The following GPM6A variants were observed in gnomAD, a reference collection of about 807,000 sequenced individuals.
GPM6A encodes the protein neuronal membrane glycoprotein M6-a.
A neutral mutation model predicts 32.1 loss-of-function variants in GPM6A; 7 were observed. That is an observed-to-expected ratio of 0.22 (90% CI 0.12 to 0.41). The LOEUF (loss-of-function observed/expected upper bound fraction) is 0.41, where lower values mean the gene tolerates loss of function less well. GPM6A is among the 10% of genes least tolerant of loss of function. The pLI is 1.00. For missense variants in GPM6A, 235 were observed against 347.2 expected (o/e 0.68, Z 2.57); for synonymous variants, 130 against 123.4 (o/e 1.05, Z -0.35).
intron 2 of GPM6A, among the ~76,000 whole-genome samples, chr4:175,676,473 G>C (rs956566450): frequency 3.9e-5 from 6 of 152,186 alleles, no homozygotes; most frequent in African/African-American, 1.4e-4. Context: ...AATTGGGTGG[G>C]GGCAGTGGCT....
chr4:175,841,479 T>A (rs1735933559), intron 1 of GPM6A, among the ~76,000 whole-genome samples: 1 of 152,082 alleles, frequency 6.6e-6, no homozygotes, highest in African/African-American at 2.4e-5. Context: ...GTGTTTTTAT[T>A]TGAAGGATAA....
At chr4:175,992,052 A>T (rs1421403316) in intron 1 of GPM6A, among the ~76,000 whole-genome samples, 1 of 89,284 alleles carries the variant, frequency 1.1e-5, no homozygotes, top group Non-Finnish European at 2.4e-5. Flanking sequence ...CTACACACAA[A>T]CACACATGCA....
At chr4:175,837,822 A>C (rs2111378950) in intron 1 of GPM6A, among the ~76,000 whole-genome samples, 1 of 152,324 alleles carries the variant, frequency 6.6e-6, no homozygotes, top group Middle Eastern at 3.4e-3. Context: ...TGGCTAGATT[A>C]TAAGCTTGGA....
intron 1 of GPM6A, among the ~76,000 whole-genome samples, chr4:175,843,492 T>G (rs1281548916): frequency 6.6e-6 from 1 of 152,192 alleles, no homozygotes; most frequent in African/African-American, 2.4e-5. Context: ...TGAACTTATT[T>G]AAACCTACTG....
At chr4:175,906,625 A>T (rs1738139842) in intron 1 of GPM6A, 2 of 152,120 alleles carry the variant, frequency 1.3e-5, no homozygotes, top group South Asian at 4.1e-4. Context: ...CAGCAGCCAC[A>T]CTTAGACTCT....
At chr4:175,762,074 G>A (rs373052882) in intron 1 of GPM6A, among the ~76,000 whole-genome samples, 10 of 152,282 alleles carry the variant, frequency 6.6e-5, no homozygotes, top group South Asian at 2.1e-4. Context: ...GATTATAGGC[G>A]AGAGCCACTG....
chr4:175,952,144 A>G (rs1739835819), intron 1 of GPM6A, among the ~76,000 whole-genome samples: 1 of 152,268 alleles, frequency 6.6e-6, no homozygotes, highest in South Asian at 2.1e-4. Flanking sequence ...TATCTCAGAG[A>G]CAAGTAACTA....
intron 1 of GPM6A, among the ~76,000 whole-genome samples, chr4:175,778,951 T>C (rs1733507185): frequency 6.6e-6 from 1 of 151,708 alleles, no homozygotes; most frequent in African/African-American, 2.4e-5. Flanking sequence ...TAAGTATATA[T>C]ATCAATTATA....
chr4:175,757,556 C>A (rs767549147), intron 1 of GPM6A, among the ~76,000 whole-genome samples: 3 of 152,102 alleles, frequency 2.0e-5, no homozygotes, highest in Non-Finnish European at 2.9e-5. Context: ...ATACATAGTT[C>A]CACTAGTGCT....
intron 1 of GPM6A, among the ~76,000 whole-genome samples, chr4:175,877,620 GA>G (rs1231202968): frequency 6.6e-6 from 1 of 152,090 alleles, no homozygotes; most frequent in Non-Finnish European, 1.5e-5. Flanking sequence ...CAGCATGGGG[GA>G]AACCATCTCC....
At chr4:175,921,136 G>A (rs1277522570) in intron 1 of GPM6A, among the ~76,000 whole-genome samples, 1 of 151,974 alleles carries the variant, frequency 6.6e-6, no homozygotes, top group East Asian at 1.9e-4. Context: ...TCTTTATAAT[G>A]TCAACTTAAT....
chr4:175,777,772 A>T (rs577279831), intron 1 of GPM6A, among the ~76,000 whole-genome samples: 1 of 152,272 alleles, frequency 6.6e-6, no homozygotes, highest in Non-Finnish European at 1.5e-5. Flanking sequence ...AGAAATCAAC[A>T]ATGTGCCCAA....
chr4:175,920,853 A>AAAT (rs1554001499), intron 1 of GPM6A, among the ~76,000 whole-genome samples: 15 of 151,832 alleles, frequency 9.9e-5, no homozygotes, highest in African/African-American at 3.6e-4. Context: ...AAAAAAAAAA[A>AAAT]ATGCTTTGAA....
intron 1 of GPM6A, among the ~76,000 whole-genome samples, chr4:175,743,661 CA>C (rs1240887659): frequency 1.1e-4 from 16 of 151,242 alleles, no homozygotes; most frequent in Non-Finnish European, 4.4e-5. Context: ...TATAAGGACA[CA>C]AAAAGTTGAA....
intron 1 of GPM6A, among the ~76,000 whole-genome samples, chr4:175,801,162 T>C (rs1734456566): frequency 6.6e-6 from 1 of 152,138 alleles, no homozygotes; most frequent in African/African-American, 2.4e-5. Flanking sequence ...AATTAAGCAG[T>C]GAATTAATGA....
chr4:175,967,314 A>C (rs77447027), intron 1 of GPM6A, among the ~76,000 whole-genome samples: 2,098 of 152,288 alleles, frequency 0.014, 32 homozygotes, highest in Non-Finnish European at 0.022. Context: ...TAGCTAAGAA[A>C]AATCTACACT....
At chr4:175,885,038 T>C (rs1189382128) in intron 1 of GPM6A, among the ~76,000 whole-genome samples, 1 of 152,168 alleles carries the variant, frequency 6.6e-6, no homozygotes, top group Non-Finnish European at 1.5e-5. Context: ...TTCCGCTCTA[T>C]AGGAAGATAT....
At chr4:175,824,079 AC>A (rs1277223465) in intron 1 of GPM6A, among the ~76,000 whole-genome samples, 2 of 152,174 alleles carry the variant, frequency 1.3e-5, no homozygotes, top group Non-Finnish European at 2.9e-5. Flanking sequence ...TAAGGAGAAA[AC>A]AAATAGGCCC....
At chr4:175,804,506 G>A (rs984431492) in intron 1 of GPM6A, among the ~76,000 whole-genome samples, 16 of 152,054 alleles carry the variant, frequency 1.1e-4, no homozygotes, top group South Asian at 2.1e-4. Flanking sequence ...TAGTGTGACC[G>A]TAAAGTCAAA....
Sources: gnomAD v4.1 joint callset for allele counts (sites outside exome capture counted in the v4.1 genomes callset) on GRCh38, gnomAD v4.1.1 for gene constraint, MANE v1.5 for transcripts, NCBI Gene and HGNC (gene_info 2026-07-23, HGNC 2026-07-21) for gene names.